The following LAMA4 variants were observed in gnomAD, a reference collection of about 807,000 sequenced individuals.
The protein encoded by LAMA4 is laminin subunit alpha 4.
LAMA4 carries 127 observed loss-of-function variants against 207.1 expected under a neutral mutation model. The ratio of observed to expected loss-of-function variants is 0.61; its 90% CI spans 0.53 to 0.71. LAMA4 has a LOEUF of 0.71. Ranked by LOEUF, LAMA4 falls within the 30% of genes least tolerant of loss-of-function variation. The pLI, the probability that LAMA4 is intolerant of heterozygous loss-of-function variation, is 0.00. For missense variants in LAMA4, 2,093 were observed against 2,246.5 expected, an observed-to-expected ratio of 0.93 and a Z score of 1.38; for synonymous variants, 761 against 816.0, an observed-to-expected ratio of 0.93 and a Z score of 1.15.
intron 5 of LAMA4, among the ~76,000 whole-genome samples, chr6:112,194,673 T>C (rs1299522111): frequency 6.6e-6 from 1 of 152,218 alleles, no homozygotes; most frequent in African/African-American, 2.4e-5. Flanking sequence ...CCAGGCTTAA[T>C]GTTCTTTCCA....
intron 9 of LAMA4, among the ~76,000 whole-genome samples, chr6:112,183,463 T>C (rs889756551): frequency 6.6e-6 from 1 of 152,172 alleles, no homozygotes; most frequent in Non-Finnish European, 1.5e-5. Context: ...GCCCTTCTTG[T>C]CCGGGAGCCT....
intron 5 of LAMA4, among the ~76,000 whole-genome samples, chr6:112,193,856 C>T (rs1435358336): frequency 6.6e-6 from 1 of 152,114 alleles, no homozygotes; most frequent in Non-Finnish European, 1.5e-5. Context: ...AACACAAGGA[C>T]AATTCATGTC....
At position 112,109,365 on chromosome 6, in the gene LAMA4, C is replaced by G; in HGVS notation, c.*72G>C. On this transcript the variant is annotated 3_prime_UTR_variant, in exon 39 of 39. Transcript: ENST00000230538. Reference sequence around the variant, plus strand: ...TCCACCCGAAGGAAGAGTTACTGTTCCTCCTGGCTGGCTTTGTGTTTCTTT... The same window carrying G: ...TCCACCCGAAGGAAGAGTTACTGTTGCTCCTGGCTGGCTTTGTGTTTCTTT... 6.4e-7 allele frequency: 1 copy of G among 1,554,098 alleles called. No homozygotes were observed. The highest frequency in any genetic ancestry group is 1.1e-5 in the South Asian group (1 of 88,262).
chr6:112,248,267 G>A (rs1329660650), intron 2 of LAMA4, among the ~76,000 whole-genome samples: 2 of 152,120 alleles, frequency 1.3e-5, no homozygotes, highest in African/African-American at 2.4e-5. Flanking sequence ...TTGGGAGGCC[G>A]AGGCAGGCAG....
chr6:112,172,329 T>C (rs1398158982), intron 12 of LAMA4: 2 of 392,434 alleles, frequency 5.1e-6, no homozygotes, highest in African/African-American at 2.0e-5. Flanking sequence ...AAGCTATGCA[T>C]TGCTTACCCA....
chr6:112,223,158 A>G (rs1432846854), intron 2 of LAMA4, among the ~76,000 whole-genome samples: 21 of 151,984 alleles, frequency 1.4e-4, no homozygotes, highest in Admixed American at 6.6e-5. Context: ...ATGGTTACAC[A>G]ACATAGCCTC....
At chr6:112,147,405 AC>A (rs1312499605) in intron 18 of LAMA4, among the ~76,000 whole-genome samples, 1 of 152,170 alleles carries the variant, frequency 6.6e-6, no homozygotes, top group Non-Finnish European at 1.5e-5. Flanking sequence ...TGGATTTATG[AC>A]CTTTCTTAAT....
intron 31 of LAMA4, among the ~76,000 whole-genome samples, chr6:112,123,968 G>GGC (rs1454552700): frequency 1.3e-5 from 2 of 152,196 alleles, no homozygotes; most frequent in Non-Finnish European, 2.9e-5. Flanking sequence ...CAAGCCGTAG[G>GGC]TGGGCAGAAT....
At chr6:112,177,474 TGTTTTCTGCTGGTAA>T (rs1782095151) in intron 10 of LAMA4, among the ~76,000 whole-genome samples, 1 of 152,218 alleles carries the variant, frequency 6.6e-6, no homozygotes, top group Non-Finnish European at 1.5e-5. Context: ...TGAAATCTGC[TGTTTTCTGCTGGTAA>T]ATTGAAGGCC....
intron 4 of LAMA4, among the ~76,000 whole-genome samples, chr6:112,202,819 G>A (rs1321755840): frequency 2.0e-5 from 3 of 152,256 alleles, no homozygotes; most frequent in East Asian, 1.9e-4. Context: ...ACAGGAACCC[G>A]CGCTTCCATC....
At chr6:112,239,899 TA>T (rs1786262630) in intron 2 of LAMA4, among the ~76,000 whole-genome samples, 1 of 151,914 alleles carries the variant, frequency 6.6e-6, no homozygotes, top group African/African-American at 2.4e-5. Flanking sequence ...CCGTCTCTAC[TA>T]AAAACACAAA....
intron 14 of LAMA4, among the ~76,000 whole-genome samples, 186 bp downstream of exon 14, chr6:112,158,546 A>G (rs1176417053): frequency 6.6e-6 from 1 of 151,886 alleles, no homozygotes; most frequent in Non-Finnish European, 1.5e-5. Flanking sequence ...TGGAACAACC[A>G]ACCAACCAAC....
intron 24 of LAMA4, among the ~76,000 whole-genome samples, chr6:112,137,896 A>G (rs1415665397): frequency 6.6e-6 from 1 of 152,212 alleles, no homozygotes; most frequent in Non-Finnish European, 1.5e-5. Flanking sequence ...TTCAAAAAAG[A>G]AACATACTGT....
intron 2 of LAMA4, among the ~76,000 whole-genome samples, chr6:112,226,080 A>G (rs1295196406): frequency 2.6e-5 from 4 of 152,020 alleles, no homozygotes; most frequent in African/African-American, 9.7e-5. Flanking sequence ...CTTGTTCCCA[A>G]TACCACTATT....
chr6:112,184,989 C>T (rs1003469760), intron 9 of LAMA4, among the ~76,000 whole-genome samples: 4 of 152,140 alleles, frequency 2.6e-5, no homozygotes, highest in African/African-American at 9.7e-5. Context: ...ATCAACCCAC[C>T]GCAAATACAC....
At chr6:112,145,088 A>T (rs1192126758) in intron 18 of LAMA4, among the ~76,000 whole-genome samples, 155 bp from the exon 19 acceptor site, 1 of 152,220 alleles carries the variant, frequency 6.6e-6, no homozygotes, top group Non-Finnish European at 1.5e-5. Context: ...AGGTACACAG[A>T]TGTGCTTTGA....
intron 2 of LAMA4, among the ~76,000 whole-genome samples, chr6:112,216,927 T>A (rs2115062372): frequency 6.6e-6 from 1 of 152,330 alleles, no homozygotes; most frequent in African/African-American, 2.4e-5. Flanking sequence ...AACTTAGCTA[T>A]AGGATAGCAA....
chr6:112,208,699 A>G (rs1251541280), intron 3 of LAMA4, among the ~76,000 whole-genome samples: 1 of 152,234 alleles, frequency 6.6e-6, no homozygotes, highest in Admixed American at 6.5e-5. Context: ...TTGAGCTTCA[A>G]TTGAAATATA....
intron 2 of LAMA4, among the ~76,000 whole-genome samples, chr6:112,249,906 A>G (rs1361627305): frequency 6.6e-6 from 1 of 152,180 alleles, no homozygotes; most frequent in East Asian, 1.9e-4. Flanking sequence ...CATTACCTCC[A>G]TGGCACTTAC....
Sources: gnomAD v4.1 joint callset for allele counts (sites outside exome capture counted in the v4.1 genomes callset) on GRCh38, gnomAD v4.1.1 for gene constraint, MANE v1.5 for transcripts, NCBI Gene and HGNC (gene_info 2026-07-23, HGNC 2026-07-21) for gene names.